Variants in SYT9 observed in about 807,000 individuals in gnomAD.
The protein encoded by SYT9 is synaptotagmin-9.
In SYT9, 22 loss-of-function variants were observed where a neutral mutation model predicts 48.4. The observed-to-expected ratio is 0.45, with a 90% CI of 0.32 to 0.65. SYT9 has a LOEUF of 0.65. SYT9 is among the 30% of genes least tolerant of loss of function. The probability of loss-of-function intolerance (pLI) is 0.03; values close to 1 mark genes in which losing one functional copy is unlikely to be tolerated. For synonymous variants in SYT9, 265 were observed against 245.0 expected (o/e 1.08, Z -0.76); for missense variants, 577 against 622.0 (o/e 0.93, Z 0.77).
At chr11:7,402,805 T>A (rs904273135) in intron 3 of SYT9, among the ~76,000 whole-genome samples, 2 of 152,184 alleles carry the variant, frequency 1.3e-5, no homozygotes, top group African/African-American at 4.8e-5. Context: ...TCAACTGAAG[T>A]TATTAAGTAT....
intron 1 of SYT9, among the ~76,000 whole-genome samples, chr11:7,255,477 G>A (rs1847951466): frequency 6.6e-6 from 1 of 152,226 alleles, no homozygotes; most frequent in South Asian, 2.1e-4. Flanking sequence ...ATGTTGAAGA[G>A]CAAAGGTGAA....
chr11:7,380,462 A>T (rs1850540160), intron 3 of SYT9, among the ~76,000 whole-genome samples: 1 of 152,108 alleles, frequency 6.6e-6, no homozygotes, highest in Non-Finnish European at 1.5e-5. Flanking sequence ...GGATAAGGGG[A>T]TGGATACCTT....
At chr11:7,332,850 G>A (rs1404012168) in intron 3 of SYT9, among the ~76,000 whole-genome samples, 2 of 152,168 alleles carry the variant, frequency 1.3e-5, no homozygotes, top group Non-Finnish European at 2.9e-5. Context: ...AAATAGAGTT[G>A]TCAAGGTCAG....
rs769518785 is a variant in SYT9 at position 7,418,135 on chromosome 11, T to A, written c.1337+7T>A. 1.2e-6 allele frequency: 2 copies of A among 1,612,134 alleles called. No individual in the cohort carries two copies. Among genetic ancestry groups the A allele is most frequent in the Admixed American group, 1.7e-5 (1 of 59,802 alleles). ...CAGTCATGGACTATGACCGGTGAGATACCTGGAACTCTTTTCCAGTGCAAG... is the reference window on the plus strand; with the variant it reads ...CAGTCATGGACTATGACCGGTGAGAAACCTGGAACTCTTTTCCAGTGCAAG... On this transcript the variant is annotated splice_region_variant and intron_variant, in intron 5 of 6. Coordinates refer to ENST00000318881, the MANE Select transcript of SYT9 (RefSeq NM_175733.4).
chr11:7,354,512 C>T (rs966926461), intron 3 of SYT9, among the ~76,000 whole-genome samples: 1 of 152,142 alleles, frequency 6.6e-6, no homozygotes, highest in Non-Finnish European at 1.5e-5. Context: ...GGATGCTGCA[C>T]CAGGGCTTTT....
At chr11:7,249,043 G>T (rs1187596215), upstream of SYT9, among the ~76,000 whole-genome samples, 2 of 152,046 alleles carry the variant, frequency 1.3e-5, no homozygotes, top group Non-Finnish European at 1.5e-5. Context: ...CTTACAGCCA[G>T]CTGGTTTGAT....
upstream of SYT9, among the ~76,000 whole-genome samples, chr11:7,249,649 A>G (rs1019486862): frequency 1.3e-5 from 2 of 152,170 alleles, no homozygotes; most frequent in African/African-American, 4.8e-5. Flanking sequence ...AACAGCAAAA[A>G]CACATATTGG....
rs541678030 is a variant in SYT9 at position 7,266,582 on chromosome 11, C to T, written c.145+14251C>T. The stretch of plus-strand genomic sequence containing the variant: ...TAAAGATTAAAACTGCAGCTCTTTT[C>T]GATTGCATTGTCTTCTTTTTTTATC... On this transcript the variant is annotated intron_variant, in intron 1 of 6. Coordinates refer to ENST00000318881, the MANE Select transcript of SYT9 (RefSeq NM_175733.4). Among the ~76,000 whole-genome samples the T allele has an allele frequency of 3.3e-5, 5 of 152,166 alleles. No homozygotes were observed. The East Asian group carries it at 7.7e-4, about 23-fold the overall frequency.
chr11:7,324,640 T>C (rs1043748649), intron 3 of SYT9, among the ~76,000 whole-genome samples: 8 of 151,974 alleles, frequency 5.3e-5, no homozygotes, highest in Non-Finnish European at 1.0e-4. Flanking sequence ...AATATGAGTT[T>C]TTCTTTGGTC....
At chr11:7,434,354 C>T (rs1847663451) in intron 6 of SYT9, among the ~76,000 whole-genome samples, 1 of 152,286 alleles carries the variant, frequency 6.6e-6, no homozygotes, top group Non-Finnish European at 1.5e-5. Context: ...GTGGGGCTCT[C>T]TATGGCAGTG....
At chr11:7,242,071 G>A (rs904093699) in intron 1 of SYT9, among the ~76,000 whole-genome samples, 5 of 152,176 alleles carry the variant, frequency 3.3e-5, no homozygotes, top group Non-Finnish European at 7.3e-5. Flanking sequence ...AACACATAAA[G>A]CACAGCACAC....
intron 3 of SYT9, among the ~76,000 whole-genome samples, chr11:7,360,387 A>G (rs761853802): frequency 3.9e-5 from 6 of 152,216 alleles, no homozygotes; most frequent in Admixed American, 3.3e-4. Context: ...AATTCTGGGA[A>G]GAAAGTCATT....
At chr11:7,302,549 A>G (rs931325531) in intron 1 of SYT9, among the ~76,000 whole-genome samples, 3 of 152,220 alleles carry the variant, frequency 2.0e-5, no homozygotes, top group Non-Finnish European at 4.4e-5. Context: ...AGTTAATAGG[A>G]AAAATAGAAC....
At chr11:7,337,769 C>A (rs1362782590) in intron 3 of SYT9, among the ~76,000 whole-genome samples, 4 of 151,974 alleles carry the variant, frequency 2.6e-5, no homozygotes, top group Non-Finnish European at 4.4e-5. Flanking sequence ...GGTTTGCTAG[C>A]ATTTTGTTGA....
intron 3 of SYT9, among the ~76,000 whole-genome samples, chr11:7,393,898 C>T (rs1176271254): frequency 6.6e-6 from 1 of 151,206 alleles, no homozygotes; most frequent in Non-Finnish European, 1.5e-5. Context: ...TCATAATAAT[C>T]TCTGATGATC....
chr11:7,245,472 C>T (rs1378075317), intron 1 of SYT9, among the ~76,000 whole-genome samples: 3 of 151,034 alleles, frequency 2.0e-5, no homozygotes, highest in African/African-American at 7.3e-5. Context: ...TCTATTCCGT[C>T]ACCCACCAAA....
At position 7,322,680 on chromosome 11, in the gene SYT9, A is replaced by G. The variant is rs369901888; in HGVS notation, c.1044+8739A>G. On this transcript the variant is annotated intron_variant, in intron 3 of 6. Transcript: ENST00000318881. ...ACAAAGTGTTTGGTTTTTTTAATAAAATATATACCATCAAGATATGAACCA... is the reference window on the plus strand; with the variant it reads ...ACAAAGTGTTTGGTTTTTTTAATAAGATATATACCATCAAGATATGAACCA... Among the ~76,000 whole-genome samples the G allele has an allele frequency of 3.3e-5, 5 of 152,232 alleles. No homozygotes were observed. In the East Asian group the frequency reaches 7.7e-4, roughly 24 times the overall value.
At chr11:7,370,856 T>C (rs79805872) in intron 3 of SYT9, among the ~76,000 whole-genome samples, 2 of 152,310 alleles carry the variant, frequency 1.3e-5, no homozygotes, top group African/African-American at 4.8e-5. Context: ...TGGGAATGTA[T>C]TGTTAAAAAA....
At chr11:7,455,930 A>G (rs1261450416) in intron 6 of SYT9, among the ~76,000 whole-genome samples, 1 of 152,186 alleles carries the variant, frequency 6.6e-6, no homozygotes, top group Admixed American at 6.5e-5. Flanking sequence ...GCAGGTGCCC[A>G]AGAAGGAAGT....
Sources: allele counts gnomAD v4.1 joint callset (sites outside exome capture counted in the v4.1 genomes callset), GRCh38; gene constraint gnomAD v4.1.1; transcripts MANE v1.5; gene names NCBI Gene and HGNC (gene_info 2026-07-23, HGNC 2026-07-21).